CFAP20DC: variants seen among roughly 807,000 people sequenced by gnomAD.
CFAP20DC encodes CFAP20 domain containing, also known as protein CFAP20DC.
In CFAP20DC, 84 loss-of-function variants were observed where a neutral mutation model predicts 101.7. The ratio of observed to expected loss-of-function variants is 0.83; its 90% confidence interval spans 0.69 to 0.99. The LOEUF is 0.99. CFAP20DC is among the 50% of genes least tolerant of loss of function. CFAP20DC has a pLI of 0.00. For synonymous variants in CFAP20DC, 359 were observed against 351.2 expected (o/e 1.02, Z -0.25); for missense variants, 1,007 against 970.3 (o/e 1.04, Z -0.50).
intron 3 of CFAP20DC, among the ~76,000 whole-genome samples, chr3:59,040,202 A>G (rs1455386961): frequency 6.6e-6 from 1 of 152,038 alleles, no homozygotes; most frequent in Non-Finnish European, 1.5e-5. Flanking sequence ...GTTAATTAAC[A>G]TATATTTAAT....
intron 4 of CFAP20DC, among the ~76,000 whole-genome samples, chr3:59,000,766 A>T (rs560748515): frequency 4.1e-4 from 63 of 152,278 alleles, no homozygotes; most frequent in African/African-American, 1.4e-3. Context: ...ATGAGAGTAG[A>T]GTGTGTTCCC....
chr3:58,782,393 T>C (rs1383962064), intron 15 of CFAP20DC, among the ~76,000 whole-genome samples: 2 of 151,960 alleles, frequency 1.3e-5, no homozygotes, highest in Non-Finnish European at 2.9e-5. Flanking sequence ...TGCCCACTTT[T>C]ACCACTCCTG....
rs565498830 is a variant in CFAP20DC, at chr3:59,030,270, T to C, written c.278+9287A>G. Among the ~76,000 whole-genome samples the C allele has an allele frequency of 1.5e-4, 23 of 152,290 alleles. No individual in the cohort carries two copies. The South Asian group carries it at 1.7e-3, about 11-fold the overall frequency. On this transcript the variant is annotated intron_variant, in intron 4 of 16. Transcript: ENST00000482387. ...AGGGTGCTGAAAGAAAGCCCTTTCA[T>C]TTAAGGGGGAAAAAAAGCAGTGCAG...
At chr3:58,762,460 C>T (rs1332935649) in intron 15 of CFAP20DC, among the ~76,000 whole-genome samples, 2 of 152,158 alleles carry the variant, frequency 1.3e-5, no homozygotes, top group East Asian at 1.9e-4. Flanking sequence ...TTCCTGAATA[C>T]AGCACACTGA....
chr3:58,989,137 T>A (rs184004188), intron 4 of CFAP20DC, among the ~76,000 whole-genome samples: 1 of 152,084 alleles, frequency 6.6e-6, no homozygotes, highest in Non-Finnish European at 1.5e-5. Flanking sequence ...ATCCGAAATT[T>A]CCACTGTGCC....
At chr3:58,916,987 C>G (rs1325781136) in intron 5 of CFAP20DC, among the ~76,000 whole-genome samples, 3 of 152,086 alleles carry the variant, frequency 2.0e-5, no homozygotes, top group African/African-American at 7.2e-5. Flanking sequence ...TTCTTGATCT[C>G]TAATTACTAT....
rs2082505639 is a variant in CFAP20DC at position 58,894,465 on chromosome 3, C to T, written c.551-9756G>A. ...AGCAGGGCAGTCAAATCTCAAAGCTCCAAAATGATCTCCTTTGACTCCATG... is the reference window on the plus strand; with the variant it reads ...AGCAGGGCAGTCAAATCTCAAAGCTTCAAAATGATCTCCTTTGACTCCATG... On this transcript the variant is annotated intron_variant, in intron 6 of 16. Transcript: ENST00000482387. This position sits in a 1 kb window ranked among gnomAD's most constrained non-coding sequence, Gnocchi z 4.1. Among the ~76,000 whole-genome samples the T allele has an allele frequency of 6.6e-6, 1 of 152,234 alleles. No individual in the cohort carries two copies. The highest frequency in any genetic ancestry group is 1.5e-5 in the Non-Finnish European group (1 of 68,040).
Position 58,747,553 on chromosome 3 carries a change from G to A in CFAP20DC, c.2333-4981C>T, listed in dbSNP as rs187786258. The stretch of plus-strand genomic sequence containing the variant: ...ACTGGATTTTCGATTTTCTGACACT[G>A]CCGTCTACATTTTTTTTAAAGTTAA... On this transcript the variant is annotated intron_variant, in intron 16 of 16. Transcript: ENST00000482387. Among the ~76,000 whole-genome samples, 515 of 152,190 alleles carry A rather than the reference G, an allele frequency of 3.4e-3. 2 individuals are homozygous for A. The highest frequency in any genetic ancestry group is 0.01 in the South Asian group (50 of 4,826).
chr3:58,848,314 T>G (rs1203263830), intron 13 of CFAP20DC, among the ~76,000 whole-genome samples: 1 of 152,166 alleles, frequency 6.6e-6, no homozygotes, highest in Non-Finnish European at 1.5e-5. Flanking sequence ...GCTTAGAACA[T>G]ACTTGAACCA....
At chr3:58,926,010 C>T (rs1437196205) in intron 5 of CFAP20DC, among the ~76,000 whole-genome samples, 1 of 152,190 alleles carries the variant, frequency 6.6e-6, no homozygotes, top group East Asian at 1.9e-4. Flanking sequence ...GTTCTCCTTT[C>T]TCCAGATTTC....
intron 14 of CFAP20DC, among the ~76,000 whole-genome samples, chr3:58,811,425 G>C (rs1158120282): frequency 1.3e-5 from 2 of 152,004 alleles, no homozygotes; most frequent in African/African-American, 4.8e-5. Flanking sequence ...TCTGATCTTT[G>C]ACAAACCTGA....
At chr3:58,806,742 G>A (rs890220337) in intron 14 of CFAP20DC, among the ~76,000 whole-genome samples, 7 of 152,252 alleles carry the variant, frequency 4.6e-5, no homozygotes, top group Non-Finnish European at 7.3e-5. Flanking sequence ...AGCGCACCGT[G>A]TGCGAGCCGA....
At chr3:58,941,597 C>T in intron 4 of CFAP20DC, among the ~76,000 whole-genome samples, 1 of 151,256 alleles carries the variant, frequency 6.6e-6, no homozygotes, top group South Asian at 2.1e-4. Flanking sequence ...GAGATAGAAT[C>T]TCGCTCTGTG....
intron 4 of CFAP20DC, among the ~76,000 whole-genome samples, chr3:58,975,945 T>C (rs753295128): frequency 1.1e-4 from 17 of 152,168 alleles, no homozygotes; most frequent in Non-Finnish European, 2.9e-5. Context: ...TTTCACATGA[T>C]TGTATATTTA....
chr3:58,779,449 AGC>A (rs2071626454), intron 15 of CFAP20DC, among the ~76,000 whole-genome samples: 1 of 152,214 alleles, frequency 6.6e-6, no homozygotes. Flanking sequence ...TGATCAATTC[AGC>A]TAGAGGATAC....
intron 4 of CFAP20DC, among the ~76,000 whole-genome samples, chr3:58,982,776 G>A (rs749274481): frequency 2.0e-5 from 3 of 151,226 alleles, no homozygotes; most frequent in Non-Finnish European, 2.9e-5. Context: ...GTTAATGGGT[G>A]CAGCACACCA....
Position 58,742,427 on chromosome 3 carries a change from G to A in CFAP20DC, c.*33C>T. ...CCTGAACTGCTATTCTGCTCCAGCT[G>A]GGAGTGCCTGCTCTCTGCCCCGGAA... On this transcript the variant is annotated 3_prime_UTR_variant, in exon 17 of 17. Coordinates refer to ENST00000482387, the MANE Select transcript of CFAP20DC (RefSeq NM_001394063.1). The A allele has an allele frequency of 1.3e-6, 2 of 1,569,082 alleles. No homozygotes were observed. Among genetic ancestry groups the A allele is most frequent in the African/African-American group, 1.4e-5 (1 of 73,826 alleles).
intron 5 of CFAP20DC, among the ~76,000 whole-genome samples, chr3:58,925,780 G>T (rs2085891951): frequency 1.3e-5 from 2 of 152,270 alleles, no homozygotes; most frequent in South Asian, 4.1e-4. Context: ...TTGCTCAAGG[G>T]CCTATAGTCA....
chr3:59,035,928 C>A (rs1279625277), intron 4 of CFAP20DC, among the ~76,000 whole-genome samples: 2 of 152,158 alleles, frequency 1.3e-5, no homozygotes, highest in Non-Finnish European at 2.9e-5. Flanking sequence ...CCCTGATGAA[C>A]ATGGATGCAA....
Sources: allele counts gnomAD v4.1 joint callset (sites outside exome capture counted in the v4.1 genomes callset), GRCh38; gene constraint gnomAD v4.1.1; non-coding constraint Gnocchi (gnomAD v3.1); transcripts MANE v1.5; gene names NCBI Gene and HGNC (gene_info 2026-07-23, HGNC 2026-07-21).